GOLGA3: variants seen among roughly 807,000 people sequenced by gnomAD.
GOLGA3 encodes golgin subfamily A member 3.
Under a neutral mutation model 169.4 loss-of-function variants are expected in GOLGA3, and 75 were observed. The observed-to-expected ratio is 0.44, with a 90% CI of 0.37 to 0.54. The LOEUF is 0.54. Ranked by LOEUF, GOLGA3 falls within the 20% of genes least tolerant of loss-of-function variation. The pLI is 0.00. For missense variants in GOLGA3, 1,899 were observed against 1,930.0 expected, an observed-to-expected ratio of 0.98 and a Z score of 0.30; for synonymous variants, 824 against 822.4, an observed-to-expected ratio of 1.00 and a Z score of -0.03.
At chr12:132,827,637 C>CG (rs1172996172) in intron 1 of GOLGA3, 8 of 151,918 alleles carry the variant, frequency 5.3e-5, no homozygotes, top group Admixed American at 3.3e-4. Context: ...TTAAGGCAAT[C>CG]GGGGGAAAAA....
In GOLGA3 at chr12:132,777,986, C is replaced by T. The variant is rs930370723; in HGVS notation, c.3583-181G>A. Among the ~76,000 whole-genome samples, 23 of 152,346 alleles carry T rather than the reference C, an allele frequency of 1.5e-4. No homozygotes were observed. Among genetic ancestry groups the T allele is most frequent in the East Asian group, 7.7e-4 (4 of 5,188 alleles). On this transcript the variant is annotated intron_variant, in intron 18 of 23. Coordinates refer to ENST00000450791, the MANE Select transcript of GOLGA3 (RefSeq NM_001389683.1). The surrounding 1 kb of genome is among the most constrained non-coding windows in gnomAD (Gnocchi z 4.7). ...AAACCACCTGACCCGGAGCTCGGCA[C>T]GCAGCAAGTGCACACTTATGTGGCT...
At chr12:132,798,248 A>G (rs1285441298) in intron 9 of GOLGA3, 92 bp downstream of exon 9, 2 of 1,233,698 alleles carry the variant, frequency 1.6e-6, no homozygotes, top group Non-Finnish European at 2.2e-6. Context: ...TAAGAGATAC[A>G]CACAGAGAGA....
At chr12:132,782,206 G>A (rs1055579316) in intron 17 of GOLGA3, 90 bp downstream of exon 17, 30 of 1,214,560 alleles carry the variant, frequency 2.5e-5, no homozygotes, top group Non-Finnish European at 3.3e-5. Flanking sequence ...AGTCAGCACA[G>A]GTGACTGAAT....
Position 132,782,385 on chromosome 12 carries a change from G to C in GOLGA3, c.3376C>G (p.Gln1126Glu). Residue 1126 changes from glutamine (Q) to glutamate (E), a missense_variant, in exon 17 of 24, where the codon CAG (glutamine) becomes GAG (glutamate). Physicochemically the swap from Gln to Glu is conservative, Grantham distance 29. Transcript: ENST00000450791. The part of the protein sequence containing the change: ...HEKGKLTGLG[Q>E]SNAALREHNS... Reference sequence around the variant, plus strand: ...TGTTCCCGCAGAGCTGCGTTGGACTGACCGAGGCCCGTAAGCTTCCCTTTC... The same window carrying C: ...TGTTCCCGCAGAGCTGCGTTGGACTCACCGAGGCCCGTAAGCTTCCCTTTC... The C allele has an allele frequency of 6.2e-7, 1 of 1,614,222 alleles. No individual in the cohort carries two copies. Among genetic ancestry groups the C allele is most frequent in the Non-Finnish European group, 8.5e-7 (1 of 1,180,028 alleles).
In GOLGA3 at chr12:132,822,272, C is replaced by G; in HGVS notation, c.-144G>C. 3 of 1,397,184 alleles carry G rather than the reference C, an allele frequency of 2.1e-6. No individual in the cohort carries two copies. Among genetic ancestry groups the G allele is most frequent in the South Asian group, 1.5e-5 (1 of 64,532 alleles). 86.5% of individuals were successfully genotyped at this position (1,397,184 alleles called of 1,614,324 possible). A position where few individuals can be genotyped will look rare whatever the true frequency, so the allele number is the denominator to read the frequency against. Reference sequence around the variant, plus strand: ...ATTTTCAGGAGAAGATCTGATGACTCACAAATGACTTGATGTCAAACCAGC... The same window carrying G: ...ATTTTCAGGAGAAGATCTGATGACTGACAAATGACTTGATGTCAAACCAGC... On this transcript the variant is annotated 5_prime_UTR_variant, in exon 2 of 24. The change abolishes the stop of an existing upstream ORF in the 5' untranslated region. Transcript: ENST00000450791.
At chr12:132,805,162 C>T (rs952603161) in intron 6 of GOLGA3, 140 bp from the exon 7 acceptor site, 22 of 889,606 alleles carry the variant, frequency 2.5e-5, no homozygotes, top group Non-Finnish European at 3.2e-5. Flanking sequence ...CAAGGCCTGA[C>T]AGAGGACCCC....
At chr12:132,825,256 G>A (rs950169763) in intron 1 of GOLGA3, among the ~76,000 whole-genome samples, 7 of 151,930 alleles carry the variant, frequency 4.6e-5, no homozygotes, top group South Asian at 2.1e-4. Flanking sequence ...GTGCCTGCGC[G>A]TGCAGACCCT....
intron 15 of GOLGA3, 58 bp downstream of exon 15, chr12:132,786,281 C>T (rs1274040428): frequency 3.4e-6 from 4 of 1,192,752 alleles, no homozygotes; most frequent in Non-Finnish European, 4.8e-6. Context: ...TGATGGAGAG[C>T]CCTTCCCTGC....
intron 4 of GOLGA3, chr12:132,811,773 T>G: frequency 1.3e-6 from 1 of 757,904 alleles, no homozygotes; most frequent in African/African-American, 1.9e-5. Flanking sequence ...GATTAAAGTA[T>G]TTAAAAACAT....
chr12:132,811,923 A>G, intron 4 of GOLGA3: 1 of 266,118 alleles, frequency 3.8e-6, no homozygotes, highest in Non-Finnish European at 5.7e-6. Context: ...GAGGCAGAGA[A>G]TCACTGGAAC....
chr12:132,815,202 TA>T (rs1429704284), intron 3 of GOLGA3, among the ~76,000 whole-genome samples: 1 of 152,218 alleles, frequency 6.6e-6, no homozygotes, highest in Non-Finnish European at 1.5e-5. Flanking sequence ...GGCTAGACCG[TA>T]AGTGGCAAAT....
chr12:132,797,191 C>T (rs970867239), intron 9 of GOLGA3, among the ~76,000 whole-genome samples: 1 of 152,216 alleles, frequency 6.6e-6, no homozygotes, highest in African/African-American at 2.4e-5. Flanking sequence ...CAACGTGATT[C>T]TTCTCATCCC....
In GOLGA3 at chr12:132,792,663, C is replaced by T. The variant is rs561797633; in HGVS notation, c.2470-1370G>A. 1.7e-3 allele frequency among the ~76,000 whole-genome samples: 262 copies of T among 150,552 alleles called. 1 individual carries two copies. The highest frequency in any genetic ancestry group is 3.2e-3 in the Non-Finnish European group (215 of 67,610). On this transcript the variant is annotated intron_variant, in intron 11 of 23. Coordinates refer to ENST00000450791, the MANE Select transcript of GOLGA3 (RefSeq NM_001389683.1). Reference sequence around the variant, plus strand: ...AGACCGACCGCACGGGACCTGCACTCGGAGGGCTCCACACAGACCCACCAC... The same window carrying T: ...AGACCGACCGCACGGGACCTGCACTTGGAGGGCTCCACACAGACCCACCAC...
At chr12:132,775,110 G>T (rs1448165499) in intron 22 of GOLGA3, 31 bp downstream of exon 22, 1 of 1,597,308 alleles carries the variant, frequency 6.3e-7, no homozygotes. Flanking sequence ...GCGCACGTCG[G>T]CTACCCCGGG....
intron 17 of GOLGA3, among the ~76,000 whole-genome samples, chr12:132,781,953 G>A (rs894656456): frequency 8.0e-5 from 12 of 150,210 alleles, no homozygotes; most frequent in Non-Finnish European, 3.0e-5. Flanking sequence ...TCTGCCCCCC[G>A]ACTAAGCAGG....
chr12:132,780,827 T>A lies in GOLGA3; in HGVS notation c.3553A>T (p.Lys1185Ter). ...TCCTTGAGGCTGTTCACCTTCTCCT[T>A]CTCCTTCTCTAGTGAGGCCTGCAGG... ...QALQASLEKE[K>*]EKVNSLKEQV... The change falls in exon 18 of 24, where the codon AAG becomes TAG. Residue 1185 changes from lysine (K) to a stop codon, truncating the protein, a stop_gained. Coordinates refer to ENST00000450791, the MANE Select transcript of GOLGA3 (RefSeq NM_001389683.1). LOFTEE classifies it high-confidence loss of function. 1 of 1,611,384 alleles carries A rather than the reference T, an allele frequency of 6.2e-7. No individual in the cohort carries two copies. Among genetic ancestry groups the A allele is most frequent in the Non-Finnish European group, 8.5e-7 (1 of 1,179,468 alleles).
At position 132,813,382 on chromosome 12, in the gene GOLGA3, C is replaced by T. The variant is rs1374414172; in HGVS notation, c.444G>A (p.Glu148=). ...TDSPLPLEKE[E]QVRLQARKWL... is the part of the protein sequence containing the mutation. ...ACTTCCGAGCCTGAAGTCGGACCTG[C>T]TCCTCCTTCTCCAGGGGCAGGGGAG... Residue 148 remains glutamate (E), a synonymous_variant, in exon 4 of 24, where the codon GAG becomes GAA. Transcript: ENST00000450791. The T allele has an allele frequency of 6.2e-7, 1 of 1,613,148 alleles. No homozygotes were observed. Among genetic ancestry groups the T allele is most frequent in the Admixed American group, 1.7e-5 (1 of 59,974 alleles).
Position 132,804,819 on chromosome 12 carries a change from C to A in GOLGA3, c.1494G>T (p.Leu498=), listed in dbSNP as rs1949310199. 6.2e-7 allele frequency: 1 copy of A among 1,614,108 alleles called. No homozygotes were observed. Among genetic ancestry groups the A allele is most frequent in the African/African-American group, 1.3e-5 (1 of 74,952 alleles). ...CCTGCAAGTCGTTGTTGGACGACGC[C>A]AGGCTGGCATTTTTTGCCTCCAGCA... ...QNMLEAKNAS[L]ASSNNDLQVA... Residue 498 remains leucine (L), a synonymous_variant, in exon 7 of 24, where the codon CTG becomes CTT. Transcript: ENST00000450791. The surrounding 1 kb of genome is among the most constrained non-coding windows in gnomAD (Gnocchi z 4.1).
At position 132,780,799 on chromosome 12, in the gene GOLGA3, T is replaced by C; in HGVS notation, c.3581A>G (p.Gln1194Arg). Reference sequence around the variant, plus strand: ...TGTGAGACGGAAGGTGGCACGCACCTGCTCCTTGAGGCTGTTCACCTTCTC... The same window carrying C: ...TGTGAGACGGAAGGTGGCACGCACCCGCTCCTTGAGGCTGTTCACCTTCTC... ...EKEKVNSLKE[Q>R]VAAAKVEAGH... The change falls in exon 18 of 24, where the codon CAG becomes CGG. Residue 1194 changes from glutamine (Q) to arginine (R), a missense_variant and splice_region_variant. Physicochemically the swap from Gln to Arg is conservative, Grantham distance 43 (BLOSUM62 1). Coordinates refer to ENST00000450791, the MANE Select transcript of GOLGA3 (RefSeq NM_001389683.1). The C allele has an allele frequency of 1.3e-6, 2 of 1,595,638 alleles. No individual in the cohort carries two copies. Among genetic ancestry groups the C allele is most frequent in the Non-Finnish European group, 1.7e-6 (2 of 1,166,190 alleles).
Sources: gnomAD v4.1 joint callset for allele counts (sites outside exome capture counted in the v4.1 genomes callset) on GRCh38, gnomAD v4.1.1 for gene constraint, Gnocchi (gnomAD v3.1) non-coding constraint, MANE v1.5 for transcripts, NCBI Gene and HGNC (gene_info 2026-07-23, HGNC 2026-07-21) for gene names.